The following QTRT2 variants were observed in gnomAD, a reference collection of about 807,000 sequenced individuals.
QTRT2 encodes queuine tRNA-ribosyltransferase domain containing 1.
A neutral mutation model predicts 44.8 loss-of-function variants in QTRT2; 32 were observed. The observed-to-expected ratio is 0.71, with a 90% CI of 0.54 to 0.96. The LOEUF (loss-of-function observed/expected upper bound fraction) is 0.96. Among genes scored for constraint, QTRT2 ranks in the 40% least tolerant of loss-of-function variants. QTRT2 has a pLI of 0.00. For synonymous variants in QTRT2, 182 were observed against 187.4 expected, an observed-to-expected ratio of 0.97 and a Z score of 0.24; for missense variants, 461 against 503.1, an observed-to-expected ratio of 0.92 and a Z score of 0.80.
At chr3:114,070,498 A>G (rs2077010458) in intron 5 of QTRT2, 128 bp from the exon 6 acceptor site, 2 of 756,696 alleles carry the variant, frequency 2.6e-6, no homozygotes, top group South Asian at 1.7e-5. Flanking sequence ...ATTACCCACC[A>G]TGTCTGGATA....
At chr3:114,075,251 T>A (rs1456227409) in intron 6 of QTRT2, among the ~76,000 whole-genome samples, 1 of 152,238 alleles carries the variant, frequency 6.6e-6, no homozygotes, top group African/African-American at 2.4e-5. Context: ...AAAAATGGTA[T>A]CTCGTTGTTT....
intron 6 of QTRT2, among the ~76,000 whole-genome samples, chr3:114,072,851 T>C (rs947244607): frequency 3.3e-5 from 5 of 152,172 alleles, no homozygotes; most frequent in Non-Finnish European, 4.4e-5. Context: ...TCAGGGATAC[T>C]GATAGCAGAG....
intron 9 of QTRT2, among the ~76,000 whole-genome samples, chr3:114,084,665 T>G (rs1329733712): frequency 1.3e-5 from 2 of 152,184 alleles, no homozygotes; most frequent in African/African-American, 4.8e-5. Context: ...TTAACTGTAC[T>G]AATACATTTC....
intron 2 of QTRT2, among the ~76,000 whole-genome samples, chr3:114,063,383 A>G (rs1450900133): frequency 2.0e-5 from 3 of 152,212 alleles, no homozygotes; most frequent in Admixed American, 6.5e-5. Context: ...TATATTTTCT[A>G]CAGTATGCTT....
chr3:114,082,368 C>T (rs1453966322), intron 8 of QTRT2, among the ~76,000 whole-genome samples: 1 of 152,162 alleles, frequency 6.6e-6, no homozygotes, highest in Non-Finnish European at 1.5e-5. Context: ...TAGGCATGAG[C>T]CATCATGCCT....
chr3:114,058,557 G>A (rs1181063430), intron 2 of QTRT2, among the ~76,000 whole-genome samples: 2 of 151,948 alleles, frequency 1.3e-5, no homozygotes, highest in African/African-American at 4.8e-5. Context: ...TTTTGAGACG[G>A]CATCTTGCTT....
chr3:114,084,440 A>G (rs192397570), intron 9 of QTRT2, among the ~76,000 whole-genome samples: 6 of 151,962 alleles, frequency 3.9e-5, no homozygotes, highest in Admixed American at 2.6e-4. Context: ...CAACATAGCA[A>G]GATCCTGTCT....
chr3:114,077,521 G>A (rs1169410997), intron 7 of QTRT2: 1 of 152,638 alleles, frequency 6.6e-6, no homozygotes, highest in Non-Finnish European at 1.5e-5. Flanking sequence ...AAGATTTGAA[G>A]CTACAAATTC....
intron 3 of QTRT2, 71 bp downstream of exon 3, chr3:114,065,528 G>A (rs1344450778): frequency 2.6e-6 from 3 of 1,171,810 alleles, no homozygotes; most frequent in Non-Finnish European, 2.4e-6. Context: ...GCAAAAAAGA[G>A]AAATATTTTT....
chr3:114,071,545 C>T (rs764134834), intron 6 of QTRT2, among the ~76,000 whole-genome samples: 20 of 152,082 alleles, frequency 1.3e-4, no homozygotes, highest in Admixed American at 2.6e-4. Flanking sequence ...ATGATCTGCC[C>T]GCCTCTGCCT....
Position 114,086,221 on chromosome 3 carries a change from T to G in QTRT2, c.*317T>G. On this transcript the variant is annotated 3_prime_UTR_variant, in exon 10 of 10. Coordinates refer to ENST00000281273, the MANE Select transcript of QTRT2 (RefSeq NM_024638.4). ...TGAGGGCACAGCCTTGAAGTGGGAG[T>G]GATGAGATTCTGAGGGACCCATGAA... 3 of 327,694 alleles carry G rather than the reference T, an allele frequency of 9.2e-6. No individual in the cohort carries two copies. Among genetic ancestry groups the G allele is most frequent in the Non-Finnish European group, 1.8e-5 (3 of 169,950 alleles). The allele number at this position is 327,694 out of a possible 1,614,324, so 20.3% of individuals were successfully genotyped here.
intron 9 of QTRT2, 78 bp from the exon 10 acceptor site, chr3:114,085,595 C>T (rs2077224964): frequency 2.5e-6 from 3 of 1,209,684 alleles, no homozygotes; most frequent in Middle Eastern, 2.0e-4. Context: ...GGTAACTTTA[C>T]CAGCAGAATA....
chr3:114,079,895 T>C lies in QTRT2; in HGVS notation c.747-11T>C. ...GTCCTCATGTCACTGTTCTTATTCT[T>C]ACTTTTACAGGCTCATATCTGGTGT... is the stretch of plus-strand genomic sequence containing the variant. On this transcript the variant is annotated splice_polypyrimidine_tract_variant and intron_variant, in intron 7 of 9. Coordinates refer to ENST00000281273, the MANE Select transcript of QTRT2 (RefSeq NM_024638.4). The C allele has an allele frequency of 6.2e-7, 1 of 1,612,188 alleles. No individual in the cohort carries two copies. Among genetic ancestry groups the C allele is most frequent in the East Asian group, 2.2e-5 (1 of 44,778 alleles).
intron 8 of QTRT2, among the ~76,000 whole-genome samples, chr3:114,080,860 T>C (rs2077157593): frequency 6.6e-6 from 1 of 152,244 alleles, no homozygotes; most frequent in Admixed American, 6.5e-5. Flanking sequence ...CATTCAGATG[T>C]TATACTTTTA....
chr3:114,085,024 A>G (rs1417546977), intron 9 of QTRT2, among the ~76,000 whole-genome samples: 1 of 152,166 alleles, frequency 6.6e-6, no homozygotes, highest in Admixed American at 6.5e-5. Context: ...CTTCTCTCCT[A>G]AGTGTCCAAC....
chr3:114,077,088 A>T, intron 7 of QTRT2, 146 bp downstream of exon 7: 1 of 718,984 alleles, frequency 1.4e-6, no homozygotes, highest in Non-Finnish European at 2.3e-6. Context: ...TGAGGTGCTG[A>T]GGCAGACTGT....
chr3:114,070,878 C>G (rs539781136), intron 6 of QTRT2, 40 bp downstream of exon 6: 1 of 1,519,604 alleles, frequency 6.6e-7, no homozygotes, highest in South Asian at 1.1e-5. Context: ...TCTTGACACT[C>G]TTGCCTCCCT....
chr3:114,080,917 A>G (rs2077158177), intron 8 of QTRT2, among the ~76,000 whole-genome samples: 1 of 152,234 alleles, frequency 6.6e-6, no homozygotes, highest in Admixed American at 6.5e-5. Flanking sequence ...CCTGGAAACA[A>G]AATAAATCAA....
intron 6 of QTRT2, among the ~76,000 whole-genome samples, chr3:114,075,750 C>G (rs966593670): frequency 1.3e-5 from 2 of 152,052 alleles, no homozygotes; most frequent in Admixed American, 1.3e-4. Context: ...CTCAAGTGAT[C>G]CACCTGCCTC....
Sources: gnomAD v4.1 joint callset for allele counts (sites outside exome capture counted in the v4.1 genomes callset) on GRCh38, gnomAD v4.1.1 for gene constraint, MANE v1.5 for transcripts, NCBI Gene and HGNC (gene_info 2026-07-23, HGNC 2026-07-21) for gene names.